Variants in FOXN3 observed in about 807,000 individuals in gnomAD.
The protein encoded by FOXN3 is forkhead box N3, also known as forkhead box protein N3.
In FOXN3, 7 loss-of-function variants were observed where a neutral mutation model predicts 38.4. The ratio of observed to expected loss-of-function variants is 0.18; its 90% CI spans 0.10 to 0.34. The LOEUF is 0.34. Among genes scored for constraint, FOXN3 ranks in the 10% least tolerant of loss-of-function variants. FOXN3 has a pLI of 1.00. For missense variants in FOXN3, 456 were observed against 613.4 expected, an observed-to-expected ratio of 0.74 and a Z score of 2.71; for synonymous variants, 230 against 242.2, an observed-to-expected ratio of 0.95 and a Z score of 0.47.
At chr14:89,457,839 C>A (rs1892757711) in intron 1 of FOXN3, among the ~76,000 whole-genome samples, 1 of 151,726 alleles carries the variant, frequency 6.6e-6, no homozygotes, top group East Asian at 1.9e-4. Context: ...ATGGAGAAAC[C>A]CCATCTCTAC....
At chr14:89,204,288 T>C (rs975650456) in intron 4 of FOXN3, among the ~76,000 whole-genome samples, 1 of 152,184 alleles carries the variant, frequency 6.6e-6, no homozygotes, top group Non-Finnish European at 1.5e-5. Flanking sequence ...TGTGGTACAC[T>C]CTTCACGGGA....
chr14:89,592,502 C>A (rs1895977852), intron 1 of FOXN3, among the ~76,000 whole-genome samples: 1 of 152,180 alleles, frequency 6.6e-6, no homozygotes, highest in East Asian at 1.9e-4. Context: ...GAAAAAAAAT[C>A]TGTTCACATA....
At chr14:89,394,773 G>T (rs1042212017) in intron 2 of FOXN3, among the ~76,000 whole-genome samples, 1 of 152,224 alleles carries the variant, frequency 6.6e-6, no homozygotes, top group African/African-American at 2.4e-5. Context: ...GGTCCCATTA[G>T]CATTGGGGAA....
chr14:89,544,941 C>CTGTA (rs1566693912), intron 1 of FOXN3, among the ~76,000 whole-genome samples: 1 of 152,196 alleles, frequency 6.6e-6, no homozygotes, highest in Non-Finnish European at 1.5e-5. Context: ...CTGCAGTTGA[C>CTGTA]TGTAGGTAAC....
At chr14:89,302,423 GCTTTGTTTTA>G (rs1887244077) in intron 3 of FOXN3, among the ~76,000 whole-genome samples, 1 of 152,110 alleles carries the variant, frequency 6.6e-6, no homozygotes, top group Non-Finnish European at 1.5e-5. Context: ...TGAGGGTTTT[GCTTTGTTTTA>G]CTTTGTTTTG....
At chr14:89,255,538 G>A (rs998519547) in intron 4 of FOXN3, among the ~76,000 whole-genome samples, 5 of 152,146 alleles carry the variant, frequency 3.3e-5, no homozygotes, top group African/African-American at 4.8e-5. Flanking sequence ...CAGAATGCCA[G>A]AGGCTAGATG....
intron 1 of FOXN3, among the ~76,000 whole-genome samples, chr14:89,483,073 G>A (rs116704318): frequency 0.015 from 2,313 of 152,228 alleles, 75 homozygotes; most frequent in African/African-American, 0.053. Context: ...CAGGTGTGGT[G>A]GCGCGCTTCT....
At chr14:89,516,166 G>C (rs1056813698) in intron 1 of FOXN3, among the ~76,000 whole-genome samples, 2 of 152,184 alleles carry the variant, frequency 1.3e-5, no homozygotes, top group Non-Finnish European at 2.9e-5. Flanking sequence ...ACACCAGAAA[G>C]GCATTTTATT....
rs545028298 is a variant in FOXN3, at chr14:89,277,927, A to AT, written c.745+3022dup. 9.2e-5 allele frequency among the ~76,000 whole-genome samples: 14 copies of AT among 151,882 alleles called. No individual in the cohort carries two copies. In the South Asian group the frequency reaches 1.9e-3, roughly 20 times the overall value. On this transcript the variant is annotated intron_variant, in intron 4 of 5. Transcript: ENST00000557258. ...GGTTATTTCTCTTTCTTGCAATGAC[A>AT]TTTTTTTTCTATTTCCACACACCTA...
chr14:89,498,243 G>T (rs1893728515), intron 1 of FOXN3, among the ~76,000 whole-genome samples: 1 of 117,676 alleles, frequency 8.5e-6, no homozygotes, highest in Non-Finnish European at 1.6e-5. Flanking sequence ...TTGAGATGGA[G>T]TCTTGCTCTA....
chr14:89,336,054 C>T (rs964674412), intron 3 of FOXN3, among the ~76,000 whole-genome samples: 4 of 151,402 alleles, frequency 2.6e-5, no homozygotes, highest in Admixed American at 1.3e-4. Context: ...ATTAAACAAA[C>T]GTATAAATAA....
At chr14:89,281,943 T>A (rs558057482) in intron 3 of FOXN3, among the ~76,000 whole-genome samples, 16 of 152,212 alleles carry the variant, frequency 1.1e-4, no homozygotes, top group African/African-American at 3.9e-4. Flanking sequence ...TAGGTTCGAG[T>A]AATGCATTTG....
intron 1 of FOXN3, among the ~76,000 whole-genome samples, chr14:89,582,972 T>G (rs1225203206): frequency 6.6e-6 from 1 of 152,244 alleles, no homozygotes; most frequent in Admixed American, 6.5e-5. Flanking sequence ...TATTGCTGAA[T>G]AGTGTTCCAT....
chr14:89,482,844 A>C (rs1473563454), intron 1 of FOXN3, among the ~76,000 whole-genome samples: 4 of 151,170 alleles, frequency 2.6e-5, no homozygotes. Flanking sequence ...CAGGAGTTCA[A>C]GGCTACAGTG....
At chr14:89,490,159 T>C (rs1226417618) in intron 1 of FOXN3, among the ~76,000 whole-genome samples, 8 of 152,212 alleles carry the variant, frequency 5.3e-5, no homozygotes, top group Non-Finnish European at 1.0e-4. Flanking sequence ...TGCTTTCTTT[T>C]TTCCACTCTT....
At position 89,548,846 on chromosome 14, in the gene FOXN3, C is replaced by T. The variant is rs371110400; in HGVS notation, c.-15+70182G>A. 5.3e-5 allele frequency among the ~76,000 whole-genome samples: 8 copies of T among 152,090 alleles called. No homozygotes were observed. The highest frequency in any genetic ancestry group is 1.2e-4 in the Non-Finnish European group (8 of 68,018). ...TCAGTTTTTTATAATGTGCCGGGCG[C>T]GGTGGCTCACGCCTGTAATCCCAGC... On this transcript the variant is annotated intron_variant, in intron 1 of 6. Coordinates refer to the FOXN3 transcript ENST00000345097. The surrounding 1 kb of genome is among the most constrained non-coding windows in gnomAD (Gnocchi z 4.8).
At chr14:89,282,789 G>A (rs1886502507) in intron 3 of FOXN3, among the ~76,000 whole-genome samples, 1 of 152,158 alleles carries the variant, frequency 6.6e-6, no homozygotes, top group Non-Finnish European at 1.5e-5. Context: ...AGCTTGATTT[G>A]GCTGAAAACT....
chr14:89,276,202 C>T (rs1886295135), intron 4 of FOXN3, among the ~76,000 whole-genome samples: 1 of 152,118 alleles, frequency 6.6e-6, no homozygotes, highest in Admixed American at 6.6e-5. Flanking sequence ...TCACTTGAAC[C>T]CGGGAGGCAG....
chr14:89,208,067 C>A (rs1479528887), intron 4 of FOXN3, among the ~76,000 whole-genome samples: 1 of 152,228 alleles, frequency 6.6e-6, no homozygotes, highest in African/African-American at 2.4e-5. Flanking sequence ...TTAACTGATA[C>A]TTTCAGGCAG....
Sources: allele counts gnomAD v4.1 joint callset (sites outside exome capture counted in the v4.1 genomes callset), GRCh38; gene constraint gnomAD v4.1.1; non-coding constraint Gnocchi (gnomAD v3.1); transcripts MANE v1.5; gene names NCBI Gene and HGNC (gene_info 2026-07-23, HGNC 2026-07-21).